SDCCAG8: variants seen among roughly 807,000 people sequenced by gnomAD.
SDCCAG8 encodes serologically defined colon cancer antigen 8.
In SDCCAG8, 74 loss-of-function variants were observed where a neutral mutation model predicts 101.8. That is an observed-to-expected ratio of 0.73 (90% CI 0.60 to 0.88). The LOEUF is 0.88. Ranked by LOEUF, SDCCAG8 falls within the 40% of genes least tolerant of loss-of-function variation. SDCCAG8 has a pLI of 0.00. For synonymous variants in SDCCAG8, 281 were observed against 292.9 expected (o/e 0.96, Z 0.41); for missense variants, 787 against 822.6 (o/e 0.96, Z 0.53).
At chr1:243,448,576 C>T (rs1286614613) in intron 16 of SDCCAG8, among the ~76,000 whole-genome samples, 1 of 152,168 alleles carries the variant, frequency 6.6e-6, no homozygotes, top group East Asian at 1.9e-4. Context: ...AGACCTTTTC[C>T]TCCCCTGCCT....
intron 5 of SDCCAG8, among the ~76,000 whole-genome samples, chr1:243,287,011 G>C (rs1217084962): frequency 6.6e-6 from 1 of 152,150 alleles, no homozygotes; most frequent in East Asian, 1.9e-4. Context: ...GATTCACTTG[G>C]TCTGGTTGGC....
rs367590060 is a variant in SDCCAG8, at chr1:243,286,323, G to A, written c.472G>A (p.Glu158Lys). 24 of 1,613,798 alleles carry A rather than the reference G, an allele frequency of 1.5e-5. No individual in the cohort carries two copies. Among genetic ancestry groups the A allele is most frequent in the Middle Eastern group, 1.6e-4 (1 of 6,084 alleles). Residue 158 changes from glutamate (E) to lysine (K), a missense_variant, in exon 5 of 18, where the codon GAA (glutamate) becomes AAA (lysine). Coordinates refer to ENST00000366541, the MANE Select transcript of SDCCAG8 (RefSeq NM_006642.5). ...AATACAAGTAGTTGTGCTTGAAAAC[G>A]AAGGGCTCCAGCAACAGCTAAAATC... ...NKIQVVVLENEGLQQQLKSQR... is the reference protein window; with the variant it reads ...NKIQVVVLENKGLQQQLKSQR...
chr1:243,260,238 A>G (rs2067100595), intron 1 of SDCCAG8, among the ~76,000 whole-genome samples: 1 of 152,234 alleles, frequency 6.6e-6, no homozygotes, highest in Non-Finnish European at 1.5e-5. Flanking sequence ...CAGTGTGGTT[A>G]AAAGTGTATG....
chr1:243,482,336 G>C (rs1355151068), intron 16 of SDCCAG8, among the ~76,000 whole-genome samples: 1 of 152,112 alleles, frequency 6.6e-6, no homozygotes, highest in Non-Finnish European at 1.5e-5. Context: ...ATGGAGATCT[G>C]CCTGGGCCCA....
intron 13 of SDCCAG8, among the ~76,000 whole-genome samples, chr1:243,396,320 T>G (rs1232424159): frequency 1.3e-5 from 2 of 152,160 alleles, no homozygotes; most frequent in East Asian, 1.9e-4. Flanking sequence ...CAACTTACAT[T>G]TCTTTAGATA....
At chr1:243,419,517 C>A (rs575556825) in intron 15 of SDCCAG8, among the ~76,000 whole-genome samples, 2 of 152,196 alleles carry the variant, frequency 1.3e-5, no homozygotes, top group African/African-American at 4.8e-5. Context: ...ATCTTGCTCT[C>A]CAAGGAGACC....
chr1:243,479,719 C>CT (rs1210001312), intron 16 of SDCCAG8, among the ~76,000 whole-genome samples: 1 of 152,042 alleles, frequency 6.6e-6, no homozygotes, highest in African/African-American at 2.4e-5. Flanking sequence ...TCATGACTGA[C>CT]GCCAGAGTAT....
intron 4 of SDCCAG8, among the ~76,000 whole-genome samples, chr1:243,279,703 A>G (rs1001829923): frequency 2.0e-5 from 3 of 152,234 alleles, no homozygotes; most frequent in Admixed American, 6.5e-5. Context: ...GATGGATTAC[A>G]TTAACTGATC....
chr1:243,397,453 A>G, intron 13 of SDCCAG8, among the ~76,000 whole-genome samples: 1 of 152,214 alleles, frequency 6.6e-6, no homozygotes, highest in South Asian at 2.1e-4. Context: ...TTATGTCGTC[A>G]GCTAGGAAAA....
chr1:243,297,078 C>A (rs375313066), intron 6 of SDCCAG8, among the ~76,000 whole-genome samples: 1 of 152,128 alleles, frequency 6.6e-6, no homozygotes, highest in Non-Finnish European at 1.5e-5. Flanking sequence ...AGTTACTGCC[C>A]CTTCATGCCA....
chr1:243,472,632 C>T (rs1489613342), intron 16 of SDCCAG8, among the ~76,000 whole-genome samples: 1 of 152,204 alleles, frequency 6.6e-6, no homozygotes, highest in Non-Finnish European at 1.5e-5. Context: ...CAGCTTCCCT[C>T]AAAGGTACTT....
intron 12 of SDCCAG8, among the ~76,000 whole-genome samples, chr1:243,358,500 A>G (rs912337360): frequency 6.6e-6 from 1 of 152,198 alleles, no homozygotes; most frequent in Non-Finnish European, 1.5e-5. Flanking sequence ...GAACTCCCCC[A>G]TAAGTTGCTG....
At chr1:243,454,510 C>T (rs1030382750) in intron 16 of SDCCAG8, among the ~76,000 whole-genome samples, 1 of 151,984 alleles carries the variant, frequency 6.6e-6, no homozygotes, top group Non-Finnish European at 1.5e-5. Context: ...GCACCACAGC[C>T]TACATCACTG....
At chr1:243,334,851 G>A (rs1207434549) in intron 10 of SDCCAG8, among the ~76,000 whole-genome samples, 3 of 152,096 alleles carry the variant, frequency 2.0e-5, no homozygotes, top group Non-Finnish European at 4.4e-5. Context: ...GCCACTCAAC[G>A]TGCTAGGATT....
intron 15 of SDCCAG8, among the ~76,000 whole-genome samples, chr1:243,425,056 A>G (rs958956915): frequency 6.6e-6 from 1 of 152,138 alleles, no homozygotes; most frequent in African/African-American, 2.4e-5. Flanking sequence ...GGAGAAACGT[A>G]AGTCATTATT....
intron 1 of SDCCAG8, among the ~76,000 whole-genome samples, chr1:243,256,709 G>A (rs2066735070): frequency 6.6e-6 from 1 of 152,204 alleles, no homozygotes; most frequent in Admixed American, 6.5e-5. Context: ...TTTACATACA[G>A]TAAATCATCT....
chr1:243,277,125 T>C (rs931301153), intron 4 of SDCCAG8, among the ~76,000 whole-genome samples: 1 of 152,246 alleles, frequency 6.6e-6, no homozygotes, highest in African/African-American at 2.4e-5. Flanking sequence ...TGTGTCAGTT[T>C]TTGTGTGGAC....
At chr1:243,301,306 A>G (rs2071481436) in intron 6 of SDCCAG8, among the ~76,000 whole-genome samples, 1 of 152,032 alleles carries the variant, frequency 6.6e-6, no homozygotes, top group African/African-American at 2.4e-5. Context: ...CTGCATAAAC[A>G]GTTTGTCTTT....
At chr1:243,372,469 A>G (rs1046044979) in intron 12 of SDCCAG8, among the ~76,000 whole-genome samples, 2 of 152,082 alleles carry the variant, frequency 1.3e-5, no homozygotes, top group African/African-American at 4.8e-5. Flanking sequence ...ATCCTTTTGA[A>G]TTAAGATGTT....
Sources: allele counts gnomAD v4.1 joint callset (sites outside exome capture counted in the v4.1 genomes callset), GRCh38; gene constraint gnomAD v4.1.1; transcripts MANE v1.5; gene names NCBI Gene and HGNC (gene_info 2026-07-23, HGNC 2026-07-21).